Variants in RGMA observed in about 807,000 individuals in gnomAD.
RGMA encodes repulsive guidance molecule A.
A neutral mutation model predicts 23.2 loss-of-function variants in RGMA; 10 were observed. The ratio of observed to expected loss-of-function variants is 0.43; its 90% CI spans 0.27 to 0.73. The LOEUF is 0.73. Ranked by LOEUF, RGMA falls within the 30% of genes least tolerant of loss-of-function variation. The pLI, the probability that RGMA is intolerant of heterozygous loss-of-function variation, is 0.20. For synonymous variants in RGMA, 308 were observed against 279.3 expected (o/e 1.10, Z -1.03); for missense variants, 547 against 630.5 (o/e 0.87, Z 1.42).
intron 2 of RGMA, among the ~76,000 whole-genome samples, chr15:93,064,988 T>A (rs1895094644): frequency 6.6e-6 from 1 of 152,154 alleles, no homozygotes; most frequent in South Asian, 2.1e-4. Context: ...TAATTTTTTT[T>A]TTTTTTTTAG....
chr15:93,063,245 G>A (rs374535719), intron 2 of RGMA, among the ~76,000 whole-genome samples: 3 of 152,218 alleles, frequency 2.0e-5, no homozygotes, highest in Non-Finnish European at 4.4e-5. Context: ...TAGCCTGAGC[G>A]GCAGATGCTG....
chr15:93,059,732 C>G (rs996251621), intron 2 of RGMA, among the ~76,000 whole-genome samples: 5 of 152,186 alleles, frequency 3.3e-5, no homozygotes, highest in Non-Finnish European at 7.3e-5. Flanking sequence ...ACTGCAGCCC[C>G]CCACCAGAGG....
At chr15:93,085,637 T>C (rs1461437455) in intron 1 of RGMA, among the ~76,000 whole-genome samples, 1 of 152,246 alleles carries the variant, frequency 6.6e-6, no homozygotes, top group African/African-American at 2.4e-5. Flanking sequence ...CATTTTTATG[T>C]TAGTCAGTTA....
intron 1 of RGMA, among the ~76,000 whole-genome samples, chr15:93,085,747 A>C (rs953111066): frequency 1.3e-5 from 2 of 152,194 alleles, no homozygotes; most frequent in Non-Finnish European, 2.9e-5. Flanking sequence ...TTCCTGCCCT[A>C]AGAATTGTAA....
intron 2 of RGMA, among the ~76,000 whole-genome samples, chr15:93,061,712 G>T (rs1241287061): frequency 6.6e-6 from 1 of 152,224 alleles, no homozygotes; most frequent in African/African-American, 2.4e-5. Context: ...GAGGGCGCTT[G>T]GAGCACCAGC....
At chr15:93,072,597 C>T (rs1002236950) in intron 2 of RGMA, among the ~76,000 whole-genome samples, 6 of 152,170 alleles carry the variant, frequency 3.9e-5, no homozygotes, top group African/African-American at 1.4e-4. Context: ...TCCCCCTCTT[C>T]CCGAGCCCCT....
intron 2 of RGMA, among the ~76,000 whole-genome samples, chr15:93,067,653 G>A (rs1895199532): frequency 6.6e-6 from 1 of 152,022 alleles, no homozygotes; most frequent in South Asian, 2.1e-4. Context: ...GCCAGGTGGG[G>A]TGTGGTGGGG....
At chr15:93,056,188 A>G (rs113744245) in intron 2 of RGMA, among the ~76,000 whole-genome samples, 3 of 152,214 alleles carry the variant, frequency 2.0e-5, no homozygotes, top group African/African-American at 4.8e-5. Flanking sequence ...TTTCTTTTCA[A>G]CGGTCACAGA....
chr15:93,062,320 A>C (rs1894993176), intron 2 of RGMA, among the ~76,000 whole-genome samples: 1 of 152,222 alleles, frequency 6.6e-6, no homozygotes, highest in African/African-American at 2.4e-5. Context: ...TCTAGAATAC[A>C]AAGCAAACAT....
intron 2 of RGMA, among the ~76,000 whole-genome samples, chr15:93,056,941 G>A (rs1301622340): frequency 6.6e-6 from 1 of 152,210 alleles, no homozygotes; most frequent in African/African-American, 2.4e-5. Flanking sequence ...GGAGGTCAGA[G>A]GTTAGAAGTC....
intron 2 of RGMA, among the ~76,000 whole-genome samples, chr15:93,058,798 G>A (rs2055054673): frequency 1.3e-5 from 2 of 152,116 alleles, no homozygotes; most frequent in African/African-American, 4.8e-5. Flanking sequence ...CGGGCAACAC[G>A]AAGGTGCTGC....
rs554807233 is a variant in RGMA at position 93,037,920 on chromosome 15, C to A, written c.*7078G>T. ...CTGCCTGGGATCACAGCCCTCATTC[C>A]GGAACGCCACTGACATTACGAGCGT... is the stretch of plus-strand genomic sequence containing the variant. On this transcript the variant is annotated 3_prime_UTR_variant, in exon 4 of 4. Transcript: ENST00000329082. This position sits in a 1 kb window ranked among gnomAD's most constrained non-coding sequence, Gnocchi z 4.3. 6.6e-6 allele frequency: 1 copy of A among 152,246 alleles called. No homozygotes were observed. 9.4% of individuals were successfully genotyped at this position (152,246 alleles called of 1,614,324 possible). A position where few individuals can be genotyped will look rare whatever the true frequency, so the allele number is the denominator to read the frequency against.
chr15:93,065,731 T>C, intron 2 of RGMA: 1 of 1,194,200 alleles, frequency 8.4e-7, no homozygotes, highest in Non-Finnish European at 1.2e-6. Flanking sequence ...CCGGGGACCA[T>C]CAGCGGGACC....
At chr15:93,058,818 A>G (rs1314409611) in intron 2 of RGMA, among the ~76,000 whole-genome samples, 1 of 152,114 alleles carries the variant, frequency 6.6e-6, no homozygotes, top group Non-Finnish European at 1.5e-5. Flanking sequence ...CGGGGCCACA[A>G]AGACGAACGA....
intron 1 of RGMA, among the ~76,000 whole-genome samples, chr15:93,086,154 T>C (rs927593486): frequency 2.6e-5 from 4 of 152,166 alleles, no homozygotes; most frequent in Non-Finnish European, 4.4e-5. Context: ...GGCTACATAA[T>C]GGAAGCAAAG....
intron 2 of RGMA, among the ~76,000 whole-genome samples, chr15:93,069,857 CAT>C (rs1895268388): frequency 1.3e-5 from 2 of 152,264 alleles, no homozygotes; most frequent in African/African-American, 4.8e-5. Context: ...ATGTCCGAAA[CAT>C]ATGCCTGGAT....
At position 93,036,514 on chromosome 15, in the gene RGMA, C is replaced by A. The variant is rs923582897; in HGVS notation, c.*8484G>T. Reference sequence around the variant, plus strand: ...TGGTCCCTGGTGGTCCCGGCCCCAGCCTTGACCTGAGGGCCACTCAGCGGC... The same window carrying A: ...TGGTCCCTGGTGGTCCCGGCCCCAGACTTGACCTGAGGGCCACTCAGCGGC... On this transcript the variant is annotated 3_prime_UTR_variant, in exon 4 of 4. Coordinates refer to ENST00000329082, the MANE Select transcript of RGMA (RefSeq NM_020211.3). The A allele has an allele frequency of 6.6e-6, 1 of 152,330 alleles. No individual in the cohort carries two copies. Among genetic ancestry groups the A allele is most frequent in the Non-Finnish European group, 1.5e-5 (1 of 68,104 alleles). 9.4% of individuals were successfully genotyped at this position (152,330 alleles called of 1,614,324 possible).
intron 1 of RGMA, among the ~76,000 whole-genome samples, chr15:93,081,009 A>G (rs1294585011): frequency 1.3e-5 from 2 of 152,206 alleles, no homozygotes; most frequent in Non-Finnish European, 2.9e-5. Flanking sequence ...GTACAAAAGC[A>G]ATAGTATTTA....
chr15:93,061,761 A>G (rs1361109713), intron 2 of RGMA, among the ~76,000 whole-genome samples: 1 of 152,192 alleles, frequency 6.6e-6, no homozygotes. Context: ...TTATGCACCA[A>G]TGAAGCACTA....
Sources: allele counts gnomAD v4.1 joint callset (sites outside exome capture counted in the v4.1 genomes callset), GRCh38; gene constraint gnomAD v4.1.1; non-coding constraint Gnocchi (gnomAD v3.1); transcripts MANE v1.5; gene names NCBI Gene and HGNC (gene_info 2026-07-23, HGNC 2026-07-21).